The following CAPN7 variants were observed in gnomAD, a reference collection of about 807,000 sequenced individuals.
The protein encoded by CAPN7 is calpain-7.
Under a neutral mutation model 115.2 loss-of-function variants are expected in CAPN7, and 72 were observed. The observed-to-expected ratio is 0.63, with a 90% confidence interval of 0.52 to 0.76. CAPN7 has a LOEUF of 0.76. Among genes scored for constraint, CAPN7 ranks in the 30% least tolerant of loss-of-function variants. The pLI is 0.00. For missense variants in CAPN7, 905 were observed against 971.5 expected, an observed-to-expected ratio of 0.93 and a Z score of 0.91; for synonymous variants, 344 against 322.3, an observed-to-expected ratio of 1.07 and a Z score of -0.72.
intron 12 of CAPN7, among the ~76,000 whole-genome samples, chr3:15,239,177 C>G (rs1267842028): frequency 6.6e-6 from 1 of 152,106 alleles, no homozygotes. Context: ...GGAATATAGC[C>G]TAAGAGGAAT....
At chr3:15,209,170 C>T (rs1261763840) in intron 1 of CAPN7, among the ~76,000 whole-genome samples, 3 of 152,052 alleles carry the variant, frequency 2.0e-5, no homozygotes, top group Non-Finnish European at 4.4e-5. Context: ...ACCACCACCC[C>T]CGGCTAATTT....
chr3:15,249,851 G>A (rs750057599), intron 19 of CAPN7, among the ~76,000 whole-genome samples: 19 of 148,790 alleles, frequency 1.3e-4, no homozygotes, highest in East Asian at 6.0e-4. Flanking sequence ...TGCAACCTCC[G>A]CCTCCTGGGT....
Position 15,247,358 on chromosome 3 carries a change from GAGGAT to G in CAPN7, c.2106_2110del (p.Gly703TrpfsTer10). ...GGAAAGTGGAGTGGTCAGAGTGCTG[GAGGAT>G]GTGGAAATTTCCAAGAGACTCACAA... On this transcript the variant is annotated frameshift_variant, in exon 19 of 21. Coordinates refer to ENST00000253693, the MANE Select transcript of CAPN7 (RefSeq NM_014296.3). LOFTEE classifies it high-confidence loss of function. The G allele has an allele frequency of 6.2e-7, 1 of 1,608,812 alleles. No individual in the cohort carries two copies. The highest frequency in any genetic ancestry group is 8.5e-7 in the Non-Finnish European group (1 of 1,177,486).
chr3:15,212,371 T>C (rs1261734042), intron 2 of CAPN7, among the ~76,000 whole-genome samples, 159 bp downstream of exon 2: 3 of 152,332 alleles, frequency 2.0e-5, no homozygotes, highest in Middle Eastern at 3.4e-3. Flanking sequence ...TTAAAAGTCA[T>C]TTAGAAATAA....
chr3:15,214,796 C>T (rs1263325577), intron 2 of CAPN7, among the ~76,000 whole-genome samples: 1 of 152,242 alleles, frequency 6.6e-6, no homozygotes, highest in African/African-American at 2.4e-5. Flanking sequence ...AGTCTCTACC[C>T]TTTCACTTGT....
chr3:15,218,735 A>G (rs1693789545), intron 4 of CAPN7, among the ~76,000 whole-genome samples, 195 bp downstream of exon 4: 1 of 152,236 alleles, frequency 6.6e-6, no homozygotes, highest in Non-Finnish European at 1.5e-5. Flanking sequence ...AGAAATAGCA[A>G]ATCAATAAAT....
intron 12 of CAPN7, among the ~76,000 whole-genome samples, chr3:15,238,266 C>T (rs773566505): frequency 1.3e-5 from 2 of 151,478 alleles, no homozygotes; most frequent in East Asian, 3.9e-4. Flanking sequence ...GGCGCCCCAC[C>T]ACCACGCCCG....
chr3:15,240,557 A>G lies in CAPN7; in HGVS notation c.1492A>G (p.Thr498Ala), dbSNP rs1418871622. The change falls in exon 13 of 21, where the codon ACT (threonine) becomes GCT (alanine). Residue 498 changes from threonine to alanine, a missense_variant. Physicochemically the swap from Thr to Ala is moderately conservative, Grantham distance 58 (BLOSUM62 0). Transcript: ENST00000253693. ...CAGTGAAAATGATGTAAAAAACTGGACTCCAGAGTTGCAAAAGTATTTAAA... is the reference window on the plus strand; with the variant it reads ...CAGTGAAAATGATGTAAAAAACTGGGCTCCAGAGTTGCAAAAGTATTTAAA... ...RYSENDVKNW[T>A]PELQKYLNFD... 4 of 1,612,796 alleles carry G rather than the reference A, an allele frequency of 2.5e-6. No individual in the cohort carries two copies. The highest frequency in any genetic ancestry group is 3.4e-6 in the Non-Finnish European group (4 of 1,179,638).
At chr3:15,235,168 T>C (rs1424672537) in intron 12 of CAPN7, 23 bp downstream of exon 12, 3 of 1,572,234 alleles carry the variant, frequency 1.9e-6, no homozygotes, top group Admixed American at 2.0e-5. Flanking sequence ...ATCTTTTTCT[T>C]TTATTTTTCT....
chr3:15,242,279 TAAA>T (rs1323392241), intron 16 of CAPN7, 26 bp downstream of exon 16: 1 of 1,355,248 alleles, frequency 7.4e-7, no homozygotes, highest in Non-Finnish European at 1.0e-6. Flanking sequence ...CAGCAAACAT[TAAA>T]ATAAACATAC....
chr3:15,208,919 A>G (rs1217224722), intron 1 of CAPN7, among the ~76,000 whole-genome samples: 1 of 152,240 alleles, frequency 6.6e-6, no homozygotes, highest in East Asian at 1.9e-4. Context: ...ATAATACTGT[A>G]CAATAGTAGT....
chr3:15,221,065 T>A, intron 5 of CAPN7, 84 bp downstream of exon 5: 1 of 1,061,884 alleles, frequency 9.4e-7, no homozygotes, highest in Non-Finnish European at 1.4e-6. Context: ...TGCTGAATTG[T>A]ATTCAGATTT....
At chr3:15,212,063 T>C (rs1312615422) in intron 1 of CAPN7, 41 bp from the exon 2 acceptor site, 3 of 1,252,482 alleles carry the variant, frequency 2.4e-6, no homozygotes, top group Non-Finnish European at 3.4e-6. Context: ...ATTCAAGTTG[T>C]AATACATCTA....
intron 5 of CAPN7, 51 bp from the exon 6 acceptor site, chr3:15,223,424 T>G (rs766150686): frequency 6.4e-6 from 7 of 1,092,954 alleles, no homozygotes; most frequent in Admixed American, 3.4e-5. Flanking sequence ...GAAATAAGAT[T>G]GGCAATTAAG....
intron 12 of CAPN7, among the ~76,000 whole-genome samples, chr3:15,235,768 G>A (rs1018818382): frequency 6.6e-6 from 1 of 152,168 alleles, no homozygotes; most frequent in African/African-American, 2.4e-5. Context: ...CCTGCTATGC[G>A]GCCCAGTTCC....
At chr3:15,211,595 A>C (rs1185958377) in intron 1 of CAPN7, among the ~76,000 whole-genome samples, 1 of 151,900 alleles carries the variant, frequency 6.6e-6, no homozygotes, top group Non-Finnish European at 1.5e-5. Flanking sequence ...AAAGCCAAAA[A>C]AAAAAAAGTA....
chr3:15,221,052 G>A, intron 5 of CAPN7, 71 bp downstream of exon 5: 1 of 1,230,358 alleles, frequency 8.1e-7, no homozygotes, highest in Admixed American at 1.9e-5. Context: ...TTTTCATTAG[G>A]TTTGCTGAAT....
intron 12 of CAPN7, 39 bp from the exon 13 acceptor site, chr3:15,240,434 T>G (rs6790505): frequency 6.3e-7 from 1 of 1,587,420 alleles, no homozygotes; most frequent in African/African-American, 1.4e-5. Context: ...AAAAACTGTT[T>G]TACAACTTAA....
intron 10 of CAPN7, among the ~76,000 whole-genome samples, chr3:15,233,193 A>G (rs1694794738): frequency 6.6e-6 from 1 of 152,206 alleles, no homozygotes; most frequent in African/African-American, 2.4e-5. Context: ...TAATATAAGG[A>G]TAATATCCAC....
Sources: allele counts gnomAD v4.1 joint callset (sites outside exome capture counted in the v4.1 genomes callset), GRCh38; gene constraint gnomAD v4.1.1; transcripts MANE v1.5; gene names NCBI Gene and HGNC (gene_info 2026-07-23, HGNC 2026-07-21).